The following RANBP2 variants were observed in gnomAD, a reference collection of about 807,000 sequenced individuals.
RANBP2 encodes E3 SUMO-protein ligase RanBP2.
Under a neutral mutation model 303.6 loss-of-function variants are expected in RANBP2, and 57 were observed. That is an observed-to-expected ratio of 0.19 (90% confidence interval 0.15 to 0.23). RANBP2 has a LOEUF of 0.23. RANBP2 is among the 10% of genes least tolerant of loss of function. RANBP2 has a pLI of 1.00. For synonymous variants in RANBP2, 1,167 were observed against 1,301.5 expected (o/e 0.90, Z 2.23); for missense variants, 3,138 against 3,780.8 (o/e 0.83, Z 4.46).
At chr2:109,151,008 G>A in the RANBP2 span, among the ~76,000 whole-genome samples, 708 of 152,254 alleles carry the variant, frequency 4.7e-3, 4 homozygotes, top group Non-Finnish European at 7.2e-3. Context: ...GATGAAGGTC[G>A]ACACTGCTTA....
At chr2:109,704,297 C>T in the RANBP2 span, among the ~76,000 whole-genome samples, 1 of 152,158 alleles carries the variant, frequency 6.6e-6, no homozygotes, top group African/African-American at 2.4e-5. Context: ...TGCCTGTAAT[C>T]CTAACACTGG....
chr2:109,186,466 C>T, the RANBP2 span, among the ~76,000 whole-genome samples: 2 of 152,222 alleles, frequency 1.3e-5, no homozygotes, highest in Admixed American at 6.5e-5. Context: ...CTGGACCACC[C>T]GTGGGAGTTC....
chr2:109,005,595 CGTA>C, the RANBP2 span, among the ~76,000 whole-genome samples: 1 of 152,314 alleles, frequency 6.6e-6, no homozygotes, highest in South Asian at 2.1e-4. Context: ...TCGTCTGGCA[CGTA>C]GTACATACTG....
At chr2:109,555,620 T>C in the RANBP2 span, among the ~76,000 whole-genome samples, 1,228 of 152,288 alleles carry the variant, frequency 8.1e-3, 15 homozygotes, top group African/African-American at 0.028. Flanking sequence ...CTGAGGGCAG[T>C]CACGACCCAG....
chr2:109,655,216 C>G, the RANBP2 span, among the ~76,000 whole-genome samples: 1 of 152,070 alleles, frequency 6.6e-6, no homozygotes, highest in African/African-American at 2.4e-5. Context: ...TCTTTTTTCT[C>G]TGTTTTACCA....
chr2:109,432,493 G>T, the RANBP2 span: 1 of 1,612,878 alleles, frequency 6.2e-7, no homozygotes, highest in South Asian at 1.1e-5. Flanking sequence ...CCCATGCTTT[G>T]CCCGCAGGTA....
chr2:109,519,805 A>G, the RANBP2 span, among the ~76,000 whole-genome samples: 4,238 of 152,280 alleles, frequency 0.028, 214 homozygotes, highest in African/African-American at 0.096. Context: ...TTGCTGTTCC[A>G]TGTATGTAGC....
chr2:108,794,487 T>C, the RANBP2 span: 1 of 1,493,856 alleles, frequency 6.7e-7, no homozygotes, highest in Non-Finnish European at 9.1e-7. Flanking sequence ...TCTGAGAATA[T>C]TTGAAACAAT....
the RANBP2 span, among the ~76,000 whole-genome samples, chr2:108,921,786 C>T: frequency 2.6e-5 from 4 of 152,220 alleles, no homozygotes; most frequent in African/African-American, 9.6e-5. Flanking sequence ...CAAGGCCTAT[C>T]TGGCCGCATC....
At chr2:109,184,220 C>T in the RANBP2 span, among the ~76,000 whole-genome samples, 2 of 152,262 alleles carry the variant, frequency 1.3e-5, no homozygotes, top group East Asian at 3.9e-4. Flanking sequence ...TTCTACACTC[C>T]CTTGGGAGTT....
At chr2:109,041,876 C>T in the RANBP2 span, among the ~76,000 whole-genome samples, 2 of 151,806 alleles carry the variant, frequency 1.3e-5, no homozygotes, top group African/African-American at 4.8e-5. Context: ...GTTTTTTCTG[C>T]ATGTATTGAG....
At chr2:109,638,455 G>A in the RANBP2 span, among the ~76,000 whole-genome samples, 5 of 152,188 alleles carry the variant, frequency 3.3e-5, no homozygotes, top group African/African-American at 1.2e-4. Flanking sequence ...GTTTGGACTG[G>A]TGTGGGGTTG....
At chr2:108,820,538 C>G in the RANBP2 span, among the ~76,000 whole-genome samples, 1 of 151,940 alleles carries the variant, frequency 6.6e-6, no homozygotes, top group Non-Finnish European at 1.5e-5. Context: ...CTCTAACATA[C>G]ATTATAATCA....
At chr2:109,233,048 T>A in the RANBP2 span, among the ~76,000 whole-genome samples, 1 of 152,232 alleles carries the variant, frequency 6.6e-6, no homozygotes, top group Admixed American at 6.5e-5. Flanking sequence ...GATGAGTGGG[T>A]GCTGGGGCCG....
At chr2:109,436,772 C>G in the RANBP2 span, 3 of 1,429,616 alleles carry the variant, frequency 2.1e-6, no homozygotes, top group Non-Finnish European at 1.9e-6. Context: ...GACCTCGTCC[C>G]CAGATCAGTT....
chr2:109,648,842 T>A, the RANBP2 span, among the ~76,000 whole-genome samples: 1 of 151,682 alleles, frequency 6.6e-6, no homozygotes, highest in East Asian at 1.9e-4. Context: ...TTAGTAGAGA[T>A]GGGTTTTCAG....
chr2:108,850,741 G>A, the RANBP2 span, among the ~76,000 whole-genome samples: 1 of 152,170 alleles, frequency 6.6e-6, no homozygotes, highest in East Asian at 1.9e-4. Flanking sequence ...GTGAGCCACT[G>A]CGCCTGGCCA....
At chr2:109,436,924 A>T in the RANBP2 span, 1 of 1,613,654 alleles carries the variant, frequency 6.2e-7, no homozygotes, top group East Asian at 2.2e-5. Flanking sequence ...GCCGCCCCGG[A>T]ATAATGTAGT....
intron 1 of RANBP2, among the ~76,000 whole-genome samples, chr2:108,720,452 A>G (rs1694148433): frequency 6.6e-6 from 1 of 152,026 alleles, no homozygotes; most frequent in African/African-American, 2.4e-5. Context: ...TTTCCTCTTT[A>G]CATGTAAATA....
Sources: allele counts gnomAD v4.1 joint callset (sites outside exome capture counted in the v4.1 genomes callset), GRCh38; gene constraint gnomAD v4.1.1; transcripts MANE v1.5; gene names NCBI Gene and HGNC (gene_info 2026-07-23, HGNC 2026-07-21).